The following EP300 variants were observed in gnomAD, a reference collection of about 807,000 sequenced individuals.
The protein encoded by EP300 is EP300 lysine acetyltransferase, also known as histone acetyltransferase p300.
EP300 carries 31 observed loss-of-function variants against 264.0 expected under a neutral mutation model. The ratio of observed to expected loss-of-function variants is 0.12; its 90% confidence interval spans 0.09 to 0.16. EP300 has a LOEUF of 0.16. Among genes scored for constraint, EP300 ranks in the 10% least tolerant of loss-of-function variants. The probability of loss-of-function intolerance (pLI) is 1.00; values close to 1 mark genes in which losing one functional copy is unlikely to be tolerated. For synonymous variants in EP300, 1,340 were observed against 1,045.4 expected (o/e 1.28, Z -5.44); for missense variants, 2,766 against 3,052.9 (o/e 0.91, Z 2.21).
chr22:41,129,880 T>C lies in EP300; in HGVS notation c.1169-10T>C, dbSNP rs1323674911. ...CCTGCTCTTGAAAAAATATGTTTTC[T>C]TCTCTTTAGTGGCACACTGTGCATC... is the stretch of plus-strand genomic sequence containing the variant. On this transcript the variant is annotated splice_polypyrimidine_tract_variant and intron_variant, in intron 4 of 30. Coordinates refer to ENST00000263253, the MANE Select transcript of EP300 (RefSeq NM_001429.4). 6.2e-7 allele frequency: 1 copy of C among 1,608,296 alleles called. No homozygotes were observed. The highest frequency in any genetic ancestry group is 1.1e-5 in the South Asian group (1 of 90,962).
Position 41,173,757 on chromosome 22 carries a change from A to T in EP300, c.4752A>T (p.Leu1584=). 1 of 1,614,172 alleles carries T rather than the reference A, an allele frequency of 6.2e-7. No individual in the cohort carries two copies. Among genetic ancestry groups the T allele is most frequent in the East Asian group, 2.2e-5 (1 of 44,882 alleles). The part of the protein sequence containing the change: ...PNVSNDLSQK[L]YATMEKHKEV... ...TATCTAACGACCTCTCACAGAAACTATATGCCACCATGGAGAAGCATAAAG... is the reference window on the plus strand; with the variant it reads ...TATCTAACGACCTCTCACAGAAACTTTATGCCACCATGGAGAAGCATAAAG... Residue 1584 remains leucine, a synonymous_variant, in exon 29 of 31, where the codon CTA becomes CTT. Transcript: ENST00000263253.
intron 2 of EP300, among the ~76,000 whole-genome samples, chr22:41,121,231 C>T (rs766953399): frequency 4.6e-5 from 7 of 152,138 alleles, no homozygotes; most frequent in Non-Finnish European, 1.0e-4. Flanking sequence ...CTTTGTGTGG[C>T]TTCCTCACCC....
chr22:41,122,307 A>C (rs1410694929), intron 2 of EP300, among the ~76,000 whole-genome samples: 1 of 151,898 alleles, frequency 6.6e-6, no homozygotes, highest in Non-Finnish European at 1.5e-5. Flanking sequence ...GTGGGATTGC[A>C]GGTGTGTGCT....
chr22:41,146,549 G>A, intron 10 of EP300, 190 bp from the exon 11 acceptor site: 2 of 609,706 alleles, frequency 3.3e-6, no homozygotes, highest in South Asian at 3.9e-5. Flanking sequence ...TCCACTTGGA[G>A]GCATTTTTCT....
chr22:41,166,464 G>GT, intron 22 of EP300, 135 bp from the exon 23 acceptor site: 2 of 671,506 alleles, frequency 3.0e-6, no homozygotes, highest in Non-Finnish European at 5.2e-6. Flanking sequence ...AGCTCTTTGT[G>GT]TATTAGTTTT....
At chr22:41,162,596 A>G in intron 20 of EP300, 127 bp from the exon 21 acceptor site, 1 of 721,362 alleles carries the variant, frequency 1.4e-6, no homozygotes, top group East Asian at 2.7e-5. Flanking sequence ...GAATACACCT[A>G]TTTAAATGTG....
chr22:41,128,007 G>A (rs2058892863), intron 4 of EP300, among the ~76,000 whole-genome samples: 3 of 152,034 alleles, frequency 2.0e-5, no homozygotes, highest in Admixed American at 1.3e-4. Flanking sequence ...GGACAACATA[G>A]CAAGACCTCG....
intron 1 of EP300, among the ~76,000 whole-genome samples, chr22:41,100,991 T>G (rs2058728820): frequency 6.6e-6 from 1 of 152,186 alleles, no homozygotes; most frequent in Admixed American, 6.5e-5. Context: ...CAGCAGATAG[T>G]TAAGGCATAA....
rs1168630145 is a variant in EP300, at chr22:41,177,963, C to T, written c.6252C>T (p.Phe2084=). 4 of 1,614,048 alleles carry T rather than the reference C, an allele frequency of 2.5e-6. No individual in the cohort carries two copies. Among genetic ancestry groups the T allele is most frequent in the African/African-American group, 2.7e-5 (2 of 74,920 alleles). ...CCAACCCCCAGCTGTTGGCTGCATT[C>T]ATCAAGCAGCGGGCTGCCAAGTATG... ...LHANPQLLAA[F]IKQRAAKYAN... Residue 2084 remains phenylalanine (F), a synonymous_variant, in exon 31 of 31, where the codon TTC becomes TTT. Coordinates refer to ENST00000263253, the MANE Select transcript of EP300 (RefSeq NM_001429.4).
intron 8 of EP300, among the ~76,000 whole-genome samples, chr22:41,138,941 T>C (rs183328400): frequency 6.6e-6 from 1 of 152,008 alleles, no homozygotes; most frequent in African/African-American, 2.4e-5. Flanking sequence ...TAGGATTCTT[T>C]GTTTGTTTGT....
chr22:41,155,231 T>C (rs1318823159), intron 17 of EP300, 118 bp downstream of exon 17: 3 of 920,526 alleles, frequency 3.3e-6, no homozygotes, highest in Non-Finnish European at 5.3e-6. Flanking sequence ...TCAGTGATTT[T>C]TTTTTTTTCC....
In EP300 at chr22:41,117,281, G is replaced by C. The variant is rs772562025; in HGVS notation, c.189G>C (p.Gln63His). The C allele has an allele frequency of 1.2e-6, 2 of 1,614,180 alleles. No homozygotes were observed. Among genetic ancestry groups the C allele is most frequent in the Middle Eastern group, 1.6e-4 (1 of 6,062 alleles). ...LGLTNGGDIN[Q>H]LQTSLGMVQD... ...TAACCAATGGTGGTGATATTAATCAGCTTCAGACAAGTCTTGGCATGGTAC... is the reference window on the plus strand; with the variant it reads ...TAACCAATGGTGGTGATATTAATCACCTTCAGACAAGTCTTGGCATGGTAC... Residue 63 changes from glutamine to histidine, a missense_variant, in exon 2 of 31, where the codon CAG (glutamine) becomes CAC (histidine). Transcript: ENST00000263253.
chr22:41,166,628 G>A lies in EP300; in HGVS notation c.3836G>A (p.Ser1279Asn), dbSNP rs2059135980. ...GTCTGTGATGGCTGTTTAAAGAAAA[G>A]TGCACGAACTAGGAAAGAAAATAAG... ...GFVCDGCLKK[S>N]ARTRKENKFS... Residue 1279 changes from serine (S) to asparagine (N), a missense_variant, in exon 23 of 31, where the codon AGT becomes AAT. By Grantham distance (46) the Ser-to-Asn change is conservative. Coordinates refer to ENST00000263253, the MANE Select transcript of EP300 (RefSeq NM_001429.4). 2.5e-6 allele frequency: 4 copies of A among 1,612,870 alleles called. No homozygotes were observed. Among genetic ancestry groups the A allele is most frequent in the African/African-American group, 1.3e-5 (1 of 74,892 alleles).
chr22:41,130,561 AC>A (rs1323447418), intron 5 of EP300, among the ~76,000 whole-genome samples: 24 of 152,042 alleles, frequency 1.6e-4, no homozygotes, highest in Non-Finnish European at 8.8e-5. Context: ...AACAAAAAAA[AC>A]AACTGAACAC....
chr22:41,133,491 C>T (rs1422489130), intron 6 of EP300, among the ~76,000 whole-genome samples: 1 of 152,114 alleles, frequency 6.6e-6, no homozygotes, highest in Non-Finnish European at 1.5e-5. Flanking sequence ...TATCCCTTTT[C>T]CTAAATGCTT....
chr22:41,138,516 T>A (rs1337141278), intron 8 of EP300, among the ~76,000 whole-genome samples: 1 of 152,206 alleles, frequency 6.6e-6, no homozygotes, highest in Non-Finnish European at 1.5e-5. Flanking sequence ...TCTGGTCTTC[T>A]CGTCCTCCAG....
At chr22:41,119,060 T>A (rs1454064801) in intron 2 of EP300, among the ~76,000 whole-genome samples, 1 of 149,134 alleles carries the variant, frequency 6.7e-6, no homozygotes, top group African/African-American at 2.5e-5. Context: ...TGGAGTGCAC[T>A]GGCCTAATCA....
In EP300 at chr22:41,177,324, C is replaced by G. The variant is rs2059206641; in HGVS notation, c.5613C>G (p.Pro1871=). The change falls in exon 31 of 31, where the codon CCC becomes CCG. Residue 1871 remains proline, a synonymous_variant. Coordinates refer to ENST00000263253, the MANE Select transcript of EP300 (RefSeq NM_001429.4). The part of the protein sequence containing the change: ...QQPTTPQTPQ[P]TSQPQPTPPN... ...CAACCACCCCGCAGACGCCCCAGCC[C>G]ACTTCTCAGCCTCAGCCTACCCCTC... The G allele has an allele frequency of 6.2e-7, 1 of 1,613,912 alleles. No homozygotes were observed.
At chr22:41,149,288 T>TA (rs1012586449) in intron 13 of EP300, 113 bp downstream of exon 13, 2 of 1,298,020 alleles carry the variant, frequency 1.5e-6, no homozygotes, top group Non-Finnish European at 1.1e-6. Context: ...GATGATTTTT[T>TA]AAAAAATAAC....
Sources: allele counts gnomAD v4.1 joint callset (sites outside exome capture counted in the v4.1 genomes callset), GRCh38; gene constraint gnomAD v4.1.1; transcripts MANE v1.5; gene names NCBI Gene and HGNC (gene_info 2026-07-23, HGNC 2026-07-21).